Variants in SCAPER observed in about 807,000 individuals in gnomAD.
The protein encoded by SCAPER is S-phase cyclin A associated protein in the ER, also known as S phase cyclin A-associated protein in the endoplasmic reticulum.
Under a neutral mutation model 182.2 loss-of-function variants are expected in SCAPER, and 98 were observed. The observed-to-expected ratio is 0.54, with a 90% CI of 0.46 to 0.64. SCAPER has a LOEUF of 0.64. SCAPER is among the 30% of genes least tolerant of loss of function. SCAPER has a pLI of 0.00. For missense variants in SCAPER, 1,432 were observed against 1,690.0 expected (o/e 0.85, Z 2.68); for synonymous variants, 605 against 564.6 (o/e 1.07, Z -1.01).
At chr15:76,870,824 AAACT>A (rs2151913951) in intron 2 of SCAPER, among the ~76,000 whole-genome samples, 1 of 152,292 alleles carries the variant, frequency 6.6e-6, no homozygotes, top group African/African-American at 2.4e-5. Flanking sequence ...GAACTTTCCA[AAACT>A]AACAAAAGAT....
chr15:76,690,426 A>C (rs1366138489), intron 20 of SCAPER, among the ~76,000 whole-genome samples: 2 of 152,180 alleles, frequency 1.3e-5, no homozygotes, highest in African/African-American at 4.8e-5. Flanking sequence ...GACTAAATGA[A>C]ATGTATAGTC....
chr15:76,742,437 A>T (rs867503885), intron 15 of SCAPER, among the ~76,000 whole-genome samples: 86 of 144,330 alleles, frequency 6.0e-4, no homozygotes, highest in African/African-American at 2.0e-3. Flanking sequence ...GACCCACAGC[A>T]CAAGGAATAA....
chr15:76,789,151 T>G (rs1045330144), intron 8 of SCAPER, among the ~76,000 whole-genome samples: 6 of 152,204 alleles, frequency 3.9e-5, no homozygotes, highest in Admixed American at 3.9e-4. Context: ...ATATCCAGTC[T>G]GTGTTCAATT....
chr15:76,838,249 A>G (rs2069127697), intron 5 of SCAPER, among the ~76,000 whole-genome samples: 1 of 152,218 alleles, frequency 6.6e-6, no homozygotes, highest in South Asian at 2.1e-4. Flanking sequence ...TGTGCTTTGC[A>G]GGAACACGGA....
Position 76,400,522 on chromosome 15 carries a change from T to A in SCAPER, c.3467+4002A>T, listed in dbSNP as rs115293607. On this transcript the variant is annotated intron_variant, in intron 27 of 31. Transcript: ENST00000563290. Reference sequence around the variant, plus strand: ...TCTGTAAATATCAGAAGTAAATGAATCTGAGGAGGTAGAAAAAACTCCCTG... The same window carrying A: ...TCTGTAAATATCAGAAGTAAATGAAACTGAGGAGGTAGAAAAAACTCCCTG... Among the ~76,000 whole-genome samples, 727 of 152,292 alleles carry A rather than the reference T, an allele frequency of 4.8e-3. 5 individuals are homozygous for A. The highest frequency in any genetic ancestry group is 0.015 in the African/African-American group (644 of 41,558).
chr15:76,829,790 G>A (rs973372514), intron 5 of SCAPER, among the ~76,000 whole-genome samples: 1 of 152,038 alleles, frequency 6.6e-6, no homozygotes, highest in Admixed American at 6.6e-5. Flanking sequence ...CATTCAACAC[G>A]TATTTACTGG....
chr15:76,807,320 A>G (rs2066239739), intron 5 of SCAPER, among the ~76,000 whole-genome samples: 1 of 152,118 alleles, frequency 6.6e-6, no homozygotes, highest in Admixed American at 6.5e-5. Flanking sequence ...ATCTTTTTCC[A>G]TTCATTCTAT....
At chr15:76,843,304 A>T (rs986728861) in intron 4 of SCAPER, among the ~76,000 whole-genome samples, 1 of 152,190 alleles carries the variant, frequency 6.6e-6, no homozygotes, top group African/African-American at 2.4e-5. Flanking sequence ...AGGGCAGAAA[A>T]TATATTTTAT....
At chr15:76,804,932 T>C (rs2066044921) in intron 5 of SCAPER, among the ~76,000 whole-genome samples, 1 of 152,120 alleles carries the variant, frequency 6.6e-6, no homozygotes, top group Admixed American at 6.5e-5. Flanking sequence ...ACACTAAACA[T>C]AAATCCAGCT....
intron 7 of SCAPER, among the ~76,000 whole-genome samples, chr15:76,796,341 C>G (rs2065328262): frequency 6.6e-6 from 1 of 152,140 alleles, no homozygotes; most frequent in Admixed American, 6.5e-5. Context: ...TACCAGTTCC[C>G]TTTATCAAAG....
intron 17 of SCAPER, among the ~76,000 whole-genome samples, chr15:76,724,897 C>T (rs570025035): frequency 3.3e-5 from 5 of 152,022 alleles, no homozygotes; most frequent in South Asian, 2.1e-4. Flanking sequence ...CAGAGTAGTC[C>T]GCTGTTCTGA....
chr15:76,839,087 A>G (rs779527395), intron 5 of SCAPER, among the ~76,000 whole-genome samples: 2 of 152,248 alleles, frequency 1.3e-5, no homozygotes, highest in Non-Finnish European at 2.9e-5. Context: ...AAACAGGCAC[A>G]ATCTTCAAAC....
intron 15 of SCAPER, among the ~76,000 whole-genome samples, chr15:76,745,554 C>T (rs930337873): frequency 1.3e-5 from 2 of 152,072 alleles, no homozygotes; most frequent in Admixed American, 1.3e-4. Context: ...ACATGTACCC[C>T]ATGTATCCAA....
chr15:76,510,067 A>AAATCAACTC (rs1226583729), intron 23 of SCAPER, among the ~76,000 whole-genome samples: 1 of 152,220 alleles, frequency 6.6e-6, no homozygotes, highest in Non-Finnish European at 1.5e-5. Flanking sequence ...CCTTATACAA[A>AAATCAACTC]AATCAACTCA....
intron 10 of SCAPER, among the ~76,000 whole-genome samples, chr15:76,771,076 A>T (rs996862224): frequency 4.6e-5 from 7 of 152,134 alleles, no homozygotes; most frequent in Non-Finnish European, 8.8e-5. Context: ...GCCTTTAAAA[A>T]GTAAAAATTA....
chr15:76,638,312 T>C (rs1017839473), intron 21 of SCAPER, among the ~76,000 whole-genome samples: 13 of 152,278 alleles, frequency 8.5e-5, no homozygotes, highest in African/African-American at 2.6e-4. Flanking sequence ...TTAACAACAA[T>C]AAATATTGAC....
At chr15:76,804,117 C>T (rs899278350) in intron 6 of SCAPER, among the ~76,000 whole-genome samples, 4 of 152,192 alleles carry the variant, frequency 2.6e-5, no homozygotes, top group South Asian at 2.1e-4. Flanking sequence ...TTCCCTTCAC[C>T]GAAATGGCCA....
intron 25 of SCAPER, among the ~76,000 whole-genome samples, chr15:76,440,345 C>T (rs548093403): frequency 5.9e-5 from 9 of 152,230 alleles, no homozygotes; most frequent in Admixed American, 5.9e-4. Context: ...TCTTTTTTCC[C>T]ATTGCCAAAG....
intron 24 of SCAPER, among the ~76,000 whole-genome samples, chr15:76,478,804 T>C (rs1404290993): frequency 2.3e-4 from 35 of 152,170 alleles, no homozygotes; most frequent in Admixed American, 6.5e-5. Context: ...ATATATAAAA[T>C]TGCAGATCTC....
Sources: gnomAD v4.1 joint callset for allele counts (sites outside exome capture counted in the v4.1 genomes callset) on GRCh38, gnomAD v4.1.1 for gene constraint, MANE v1.5 for transcripts, NCBI Gene and HGNC (gene_info 2026-07-23, HGNC 2026-07-21) for gene names.